The following MALRD1 variants were observed in gnomAD, a reference collection of about 807,000 sequenced individuals.
MALRD1 encodes MAM and LDL receptor class A domain containing 1, also known as MAM and LDL-receptor class A domain-containing protein 1.
MALRD1 carries 247 observed loss-of-function variants against 242.1 expected under a neutral mutation model. The observed-to-expected ratio is 1.02, with a 90% CI of 0.92 to 1.13. The LOEUF is 1.13. MALRD1 is among the 50% of genes most tolerant of loss of function. The pLI is 0.00. For missense variants in MALRD1, 2,989 were observed against 2,533.1 expected, an observed-to-expected ratio of 1.18 and a Z score of -3.86; for synonymous variants, 995 against 866.6, an observed-to-expected ratio of 1.15 and a Z score of -2.60.
In MALRD1 at chr10:19,655,770, A is replaced by G. The variant is rs186800482; in HGVS notation, c.6138-36512A>G. ...TGATTTACCTTCTGCCAATTTCTAC[A>G]TATTTCTATTCTGCTAAAGGGCCAC... On this transcript the variant is annotated intron_variant, in intron 36 of 39. Coordinates refer to ENST00000454679, the MANE Select transcript of MALRD1 (RefSeq NM_001142308.3). Among the ~76,000 whole-genome samples, 11 of 151,986 alleles carry G rather than the reference A, an allele frequency of 7.2e-5. No homozygotes were observed. In the South Asian group the frequency reaches 8.3e-4, roughly 11 times the overall value.
At position 19,165,695 on chromosome 10, in the gene MALRD1, C is replaced by G. The variant is rs1162695431; in HGVS notation, c.1715C>G (p.Ser572Cys). ...HSNLSVFTRT[S>C]LDGNLQKQGK... ...AATCTCTCAGTTTTTACAAGAACGT[C>G]TCTAGATGGAAACTTGCAAAAGCAG... The change falls in exon 13 of 40, where the codon TCT becomes TGT. Residue 572 changes from serine to cysteine, a missense_variant. Transcript: ENST00000454679. The G allele has an allele frequency of 8.1e-6, 10 of 1,231,604 alleles. No individual in the cohort carries two copies. Among genetic ancestry groups the G allele is most frequent in the Non-Finnish European group, 9.1e-6 (9 of 987,922 alleles). 76.3% of individuals were successfully genotyped at this position (1,231,604 alleles called of 1,614,324 possible).
chr10:19,484,134 G>C (rs543348370), intron 29 of MALRD1, among the ~76,000 whole-genome samples: 8 of 152,148 alleles, frequency 5.3e-5, no homozygotes, highest in Non-Finnish European at 1.2e-4. Context: ...AGAGAAGAGA[G>C]GGAGGAGGGC....
At chr10:19,605,431 G>A (rs1838564360) in intron 34 of MALRD1, among the ~76,000 whole-genome samples, 1 of 150,402 alleles carries the variant, frequency 6.6e-6, no homozygotes. Context: ...GCATTCCAAA[G>A]TGCTGGGATT....
intron 32 of MALRD1, among the ~76,000 whole-genome samples, chr10:19,539,836 G>A (rs537565405): frequency 5.5e-5 from 8 of 146,102 alleles, no homozygotes; most frequent in Admixed American, 3.4e-4. Context: ...ACCAGCATGC[G>A]CCACCACACC....
chr10:19,399,653 A>G (rs10740888), intron 28 of MALRD1, among the ~76,000 whole-genome samples: 93,956 of 152,076 alleles, frequency 0.62, 29,659 homozygotes, highest in Non-Finnish European at 0.69. Context: ...TAAAATGGCA[A>G]TAATCTTAGA....
At chr10:19,425,380 T>C (rs1833866145) in intron 28 of MALRD1, among the ~76,000 whole-genome samples, 1 of 152,184 alleles carries the variant, frequency 6.6e-6, no homozygotes, top group African/African-American at 2.4e-5. Flanking sequence ...CCAGTGACTA[T>C]TAAGGAATAG....
At chr10:19,514,540 A>G (rs890364875) in intron 31 of MALRD1, among the ~76,000 whole-genome samples, 11 of 152,178 alleles carry the variant, frequency 7.2e-5, no homozygotes, top group Non-Finnish European at 1.2e-4. Flanking sequence ...GAAAAATAAG[A>G]GGTTTTGAAT....
intron 29 of MALRD1, 51 bp from the exon 30 acceptor site, chr10:19,491,466 C>T: frequency 1.3e-6 from 2 of 1,532,692 alleles, no homozygotes; most frequent in East Asian, 2.5e-5. Flanking sequence ...ATCTTCAAGT[C>T]TAATGAAAAT....
At chr10:19,312,520 A>G (rs1443806280) in intron 21 of MALRD1, among the ~76,000 whole-genome samples, 2 of 151,068 alleles carry the variant, frequency 1.3e-5, no homozygotes, top group African/African-American at 2.4e-5. Flanking sequence ...TTTAACATCT[A>G]GAAAAGTGTT....
At chr10:19,474,276 C>T (rs1485365929) in intron 29 of MALRD1, among the ~76,000 whole-genome samples, 3 of 152,028 alleles carry the variant, frequency 2.0e-5, no homozygotes, top group Non-Finnish European at 4.4e-5. Flanking sequence ...TCTGCTTTGT[C>T]ATTGAGCAGC....
chr10:19,218,133 A>G (rs1837402495), intron 18 of MALRD1, among the ~76,000 whole-genome samples: 1 of 152,146 alleles, frequency 6.6e-6, no homozygotes, highest in African/African-American at 2.4e-5. Flanking sequence ...GTTTATGTAT[A>G]TAAGAGGCTT....
At chr10:19,348,107 G>A (rs1844212894) in intron 25 of MALRD1, 89 bp downstream of exon 25, 1 of 1,436,336 alleles carries the variant, frequency 7.0e-7, no homozygotes, top group African/African-American at 1.4e-5. Context: ...CAGAGTGGCT[G>A]GGGCCAGAGA....
At chr10:19,489,077 C>T (rs999550140) in intron 29 of MALRD1, 6 of 460,050 alleles carry the variant, frequency 1.3e-5, no homozygotes, top group South Asian at 6.2e-5. Context: ...GCACCGCGCA[C>T]GCGCCTTTCC....
intron 17 of MALRD1, among the ~76,000 whole-genome samples, chr10:19,205,677 A>G (rs1197390618): frequency 6.6e-6 from 1 of 152,098 alleles, no homozygotes; most frequent in African/African-American, 2.4e-5. Context: ...CACAAGTCAA[A>G]CCATGTATCT....
intron 38 of MALRD1, among the ~76,000 whole-genome samples, chr10:19,714,787 C>A (rs1024333567): frequency 7.2e-5 from 11 of 152,086 alleles, no homozygotes; most frequent in Non-Finnish European, 1.6e-4. Context: ...TTTATTTAGG[C>A]AAATGGCCTA....
intron 29 of MALRD1, among the ~76,000 whole-genome samples, chr10:19,473,509 A>G (rs942761633): frequency 4.0e-5 from 6 of 151,740 alleles, no homozygotes; most frequent in Admixed American, 2.6e-4. Flanking sequence ...GATGTCTACC[A>G]TTTTACTTTC....
At chr10:19,453,779 G>C (rs986184650) in intron 29 of MALRD1, among the ~76,000 whole-genome samples, 7 of 152,140 alleles carry the variant, frequency 4.6e-5, no homozygotes, top group African/African-American at 1.7e-4. Context: ...AGCAGGCTGA[G>C]GCATGAGAAT....
At chr10:19,449,467 G>A (rs964034876) in intron 28 of MALRD1, among the ~76,000 whole-genome samples, 3 of 152,178 alleles carry the variant, frequency 2.0e-5, no homozygotes, top group African/African-American at 7.2e-5. Flanking sequence ...CAAAATACGT[G>A]TGTTGCGAAT....
At chr10:19,302,169 T>A (rs1362553713) in intron 21 of MALRD1, among the ~76,000 whole-genome samples, 1 of 151,784 alleles carries the variant, frequency 6.6e-6, no homozygotes, top group African/African-American at 2.4e-5. Flanking sequence ...CTAATGGTAA[T>A]GTAAAATTAT....
Sources: allele counts gnomAD v4.1 joint callset (sites outside exome capture counted in the v4.1 genomes callset), GRCh38; gene constraint gnomAD v4.1.1; transcripts MANE v1.5; gene names NCBI Gene and HGNC (gene_info 2026-07-23, HGNC 2026-07-21).